The following GNPTAB variants were observed in gnomAD, a reference collection of about 807,000 sequenced individuals.
GNPTAB encodes N-acetylglucosamine-1-phosphate transferase subunits alpha and beta.
Under a neutral mutation model 136.6 loss-of-function variants are expected in GNPTAB, and 92 were observed. The observed-to-expected ratio is 0.67, with a 90% CI of 0.57 to 0.80. The LOEUF is 0.80. GNPTAB is among the 30% of genes least tolerant of loss of function. The probability of loss-of-function intolerance (pLI) is 0.00; values close to 1 mark genes in which losing one functional copy is unlikely to be tolerated. For synonymous variants in GNPTAB, 512 were observed against 535.1 expected (o/e 0.96, Z 0.60); for missense variants, 1,343 against 1,501.8 (o/e 0.89, Z 1.75).
At chr12:101,787,553 A>C (rs144818878) in intron 4 of GNPTAB, among the ~76,000 whole-genome samples, 233 of 152,304 alleles carry the variant, frequency 1.5e-3, no homozygotes, top group African/African-American at 5.2e-3. Context: ...AAACCATTTA[A>C]AAAACAGTAT....
rs1370749176 is a variant in GNPTAB, at chr12:101,830,849, G to T, written c.-174C>A. ...GGACGCCCGCTCGGCTCCGCGCCGC[G>T]GCCGCCGCTTCCGGGAGCCGGGAGC... On this transcript the variant is annotated 5_prime_UTR_variant, in exon 1 of 21. Transcript: ENST00000299314. 1 of 167,560 alleles carries T rather than the reference G, an allele frequency of 6.0e-6. No homozygotes were observed. Among genetic ancestry groups the T allele is most frequent in the Non-Finnish European group, 1.3e-5 (1 of 78,332 alleles). The allele number at this position is 167,560 out of a possible 1,614,324, so 10.4% of individuals were successfully genotyped here.
intron 18 of GNPTAB, among the ~76,000 whole-genome samples, chr12:101,755,599 C>A (rs1482958570): frequency 6.6e-6 from 1 of 152,150 alleles, no homozygotes; most frequent in Non-Finnish European, 1.5e-5. Flanking sequence ...ACAAGCAGAG[C>A]TAAGAAATTC....
intron 16 of GNPTAB, among the ~76,000 whole-genome samples, chr12:101,759,610 G>C (rs546255452): frequency 6.6e-6 from 1 of 151,978 alleles, no homozygotes; most frequent in African/African-American, 2.4e-5. Context: ...CAATGCAGTC[G>C]TGTGTTAATC....
At chr12:101,791,792 GA>G (rs1321005778) in intron 2 of GNPTAB, among the ~76,000 whole-genome samples, 5 of 152,144 alleles carry the variant, frequency 3.3e-5, no homozygotes, top group Non-Finnish European at 5.9e-5. Flanking sequence ...TTGAATTATG[GA>G]AAGAAAAAAA....
At chr12:101,812,161 T>C (rs1438997753) in intron 1 of GNPTAB, among the ~76,000 whole-genome samples, 1 of 151,952 alleles carries the variant, frequency 6.6e-6, no homozygotes, top group Non-Finnish European at 1.5e-5. Flanking sequence ...AGAAGAACTA[T>C]TTGAACCCAG....
chr12:101,750,336 G>A (rs923728180), intron 19 of GNPTAB, among the ~76,000 whole-genome samples: 4 of 152,074 alleles, frequency 2.6e-5, no homozygotes, highest in Non-Finnish European at 4.4e-5. Context: ...AACGGCACTC[G>A]CCCACACACA....
Position 101,746,315 on chromosome 12 carries a change from A to C in GNPTAB, c.*849T>G, listed in dbSNP as rs1333480866. 2.0e-5 allele frequency: 3 copies of C among 152,260 alleles called. No homozygotes were observed. Among genetic ancestry groups the C allele is most frequent in the Non-Finnish European group, 4.4e-5 (3 of 68,046 alleles). 9.4% of individuals were successfully genotyped at this position (152,260 alleles called of 1,614,324 possible). ...CCAACTGAGAGAGATAGCTACTGGA[A>C]TATACCAATGAGTATTAAACAAGAC... On this transcript the variant is annotated 3_prime_UTR_variant, in exon 21 of 21. Coordinates refer to ENST00000299314, the MANE Select transcript of GNPTAB (RefSeq NM_024312.5).
intron 7 of GNPTAB, chr12:101,773,827 G>C (rs868028271): frequency 1.3e-5 from 2 of 152,224 alleles, no homozygotes; most frequent in Non-Finnish European, 2.9e-5. Context: ...AGTGTGGGAA[G>C]AGCAGCTGTA....
rs150292891 is a variant in GNPTAB, at chr12:101,750,749, T to C, written c.3603-1558A>G. ...ATGATTCAGTAATAACTTCTCCTTA[T>C]GAAAATAAAAACATAAAGATAGCAG... is the stretch of plus-strand genomic sequence containing the variant. On this transcript the variant is annotated intron_variant, in intron 19 of 20. Coordinates refer to ENST00000299314, the MANE Select transcript of GNPTAB (RefSeq NM_024312.5). Among the ~76,000 whole-genome samples, 540 of 152,284 alleles carry C rather than the reference T, an allele frequency of 3.5e-3. 3 individuals are homozygous for C. The highest frequency in any genetic ancestry group is 0.01 in the Middle Eastern group (3 of 294).
At chr12:101,785,582 G>T in intron 5 of GNPTAB, 1 of 186,194 alleles carries the variant, frequency 5.4e-6, no homozygotes. Context: ...CATCATGCTG[G>T]GTGTTATGAT....
intron 11 of GNPTAB, among the ~76,000 whole-genome samples, chr12:101,767,335 G>C (rs1198419968): frequency 2.0e-5 from 3 of 152,196 alleles, no homozygotes; most frequent in African/African-American, 7.2e-5. Flanking sequence ...ATAACTATGT[G>C]AGGGAGAGGG....
At chr12:101,808,249 T>C (rs969355056) in intron 1 of GNPTAB, among the ~76,000 whole-genome samples, 4 of 151,898 alleles carry the variant, frequency 2.6e-5, no homozygotes, top group African/African-American at 9.7e-5. Context: ...ATTTTGGGGA[T>C]ATAGACAAAC....
intron 1 of GNPTAB, among the ~76,000 whole-genome samples, chr12:101,816,914 C>A (rs1870538029): frequency 6.6e-6 from 1 of 152,156 alleles, no homozygotes; most frequent in African/African-American, 2.4e-5. Flanking sequence ...AACCAGAGGA[C>A]ATGATGTGAA....
At chr12:101,790,852 C>A (rs1170845913) in intron 2 of GNPTAB, among the ~76,000 whole-genome samples, 4 of 151,672 alleles carry the variant, frequency 2.6e-5, no homozygotes, top group Non-Finnish European at 5.9e-5. Flanking sequence ...CGCAAGCCTG[C>A]ACCCTCCCCA....
chr12:101,772,487 T>C (rs2137126771), intron 7 of GNPTAB, among the ~76,000 whole-genome samples: 1 of 152,340 alleles, frequency 6.6e-6, no homozygotes, highest in Middle Eastern at 3.4e-3. Context: ...CATTAACTCT[T>C]CTCACAGATT....
chr12:101,784,176 TTATAAG>T (rs1456467269), intron 5 of GNPTAB, among the ~76,000 whole-genome samples: 2 of 152,200 alleles, frequency 1.3e-5, no homozygotes, highest in African/African-American at 4.8e-5. Context: ...ATGAGTTAGA[TTATAAG>T]TATTACAGAA....
rs1361105799 is a variant in GNPTAB at position 101,780,632 on chromosome 12, G to C, written c.572-11C>G. 3 of 1,583,650 alleles carry C rather than the reference G, an allele frequency of 1.9e-6. No homozygotes were observed. Among genetic ancestry groups the C allele is most frequent in the Middle Eastern group, 1.7e-4 (1 of 5,938 alleles). ...AGTGGGCATCTTCAACTACAACCAA[G>C]AATACAATAAACAAGCACATTTTTA... On this transcript the variant is annotated splice_polypyrimidine_tract_variant and intron_variant, in intron 5 of 20. Transcript: ENST00000299314.
At chr12:101,779,874 G>A (rs988923604) in intron 7 of GNPTAB, 22 of 458,560 alleles carry the variant, frequency 4.8e-5, no homozygotes, top group Admixed American at 1.4e-4. Flanking sequence ...GCTAAGCAGG[G>A]TTGGGCCTGG....
intron 15 of GNPTAB, among the ~76,000 whole-genome samples, chr12:101,760,541 C>T (rs1475546961): frequency 6.6e-6 from 1 of 151,982 alleles, no homozygotes; most frequent in Non-Finnish European, 1.5e-5. Context: ...ATGAATATAC[C>T]ACAAGAATCT....
Sources: allele counts gnomAD v4.1 joint callset (sites outside exome capture counted in the v4.1 genomes callset), GRCh38; gene constraint gnomAD v4.1.1; transcripts MANE v1.5; gene names NCBI Gene and HGNC (gene_info 2026-07-23, HGNC 2026-07-21).